Variants in FHOD3 observed in about 807,000 individuals in gnomAD.
FHOD3 encodes formin homology 2 domain containing 3, also known as FH1/FH2 domain-containing protein 3.
A neutral mutation model predicts 173.0 loss-of-function variants in FHOD3; 90 were observed. The observed-to-expected ratio is 0.52, with a 90% confidence interval of 0.44 to 0.62. The LOEUF (loss-of-function observed/expected upper bound fraction) is 0.62, where lower values mean the gene tolerates loss of function less well. FHOD3 is among the 20% of genes least tolerant of loss of function. FHOD3 has a pLI of 0.00. For missense variants in FHOD3, 1,945 were observed against 2,034.7 expected (o/e 0.96, Z 0.85); for synonymous variants, 828 against 823.0 (o/e 1.01, Z -0.10).
In FHOD3 at chr18:36,742,846, A is replaced by G. The variant is rs1017859569; in HGVS notation, c.3869A>G (p.Asn1290Ser). 6.8e-6 allele frequency: 11 copies of G among 1,612,598 alleles called. No homozygotes were observed. Among genetic ancestry groups the G allele is most frequent in the Non-Finnish European group, 9.3e-6 (11 of 1,179,546 alleles). ...CTCTTAGCCATTGGGAACTTTCTAA[A>G]TGGAACTAATGTAAGTCATCCCCAT... ...STLLAIGNFL[N>S]GTNAKAFELS... The change falls in exon 22 of 29, where the codon AAT (asparagine) becomes AGT (serine). Residue 1290 changes from asparagine (N) to serine (S), a missense_variant. This residue lies in a region of FHOD3 where 231 missense variants were observed against 321.9 expected (regional missense o/e 0.72). Coordinates refer to ENST00000590592, the MANE Select transcript of FHOD3 (RefSeq NM_001281740.3).
rs1281850425 is a variant in FHOD3, at chr18:36,355,571, T to C, written c.198T>C (p.Asn66=). 6.2e-7 allele frequency: 1 copy of C among 1,614,170 alleles called. No homozygotes were observed. The highest frequency in any genetic ancestry group is 1.7e-5 in the Admixed American group (1 of 60,016). Residue 66 remains asparagine (N), a synonymous_variant, in exon 2 of 29, where the codon AAT becomes AAC. Coordinates refer to ENST00000590592, the MANE Select transcript of FHOD3 (RefSeq NM_001281740.3). The part of the protein sequence containing the change: ...LDDCTLQLSH[N]GAYLDLEATL... ...ACTGTACTCTGCAGCTCTCTCACAA[T>C]GGCGCCTACCTGGATTTGGAGGCCA...
At chr18:36,692,372 AGCTGAAT>A (rs2039019508) in intron 16 of FHOD3, among the ~76,000 whole-genome samples, 1 of 152,232 alleles carries the variant, frequency 6.6e-6, no homozygotes, top group Non-Finnish European at 1.5e-5. Context: ...AACCTGTTAC[AGCTGAAT>A]GCATAAATTT....
At chr18:36,456,538 G>T (rs971534475) in intron 3 of FHOD3, among the ~76,000 whole-genome samples, 1 of 152,090 alleles carries the variant, frequency 6.6e-6, no homozygotes, top group Non-Finnish European at 1.5e-5. Flanking sequence ...GGAATAGGGG[G>T]ATGGGGCTGT....
chr18:36,351,341 G>T (rs964613588), intron 1 of FHOD3, among the ~76,000 whole-genome samples: 2 of 152,178 alleles, frequency 1.3e-5, no homozygotes, highest in Non-Finnish European at 2.9e-5. Flanking sequence ...AGGAGGTAAT[G>T]GCAGCCTCTA....
chr18:36,768,547 A>G (rs11662247), intron 27 of FHOD3, among the ~76,000 whole-genome samples: 20,319 of 152,202 alleles, frequency 0.13, 1,425 homozygotes, highest in Admixed American at 0.16. Flanking sequence ...GGATGACTGT[A>G]CTTGGGACCC....
At chr18:36,335,493 TAAAAAAA>T (rs56991651) in intron 1 of FHOD3, among the ~76,000 whole-genome samples, 1 of 128,984 alleles carries the variant, frequency 7.8e-6, no homozygotes, top group African/African-American at 2.8e-5. Flanking sequence ...AGACTCCGTC[TAAAAAAA>T]AAAAAAAAAC....
At chr18:36,340,730 G>A (rs1162592392) in intron 1 of FHOD3, among the ~76,000 whole-genome samples, 1 of 151,570 alleles carries the variant, frequency 6.6e-6, no homozygotes, top group Non-Finnish European at 1.5e-5. Flanking sequence ...TCCGCCTTCC[G>A]GGTTCATGCC....
intron 28 of FHOD3, among the ~76,000 whole-genome samples, chr18:36,769,702 T>G (rs2043291582): frequency 2.6e-5 from 4 of 152,092 alleles, no homozygotes; most frequent in Admixed American, 2.0e-4. Context: ...TGAAAAGTCC[T>G]TAAGTGTCTG....
chr18:36,380,552 G>GTTTTCTTTTCTTTTC (rs751185984), intron 3 of FHOD3, among the ~76,000 whole-genome samples: 1 of 79,454 alleles, frequency 1.3e-5, no homozygotes, highest in African/African-American at 5.3e-5. Flanking sequence ...TCTTTCTTTT[G>GTTTTCTTTTCTTTTC]TTTTCTTTTC....
chr18:36,534,020 C>T (rs1251590024), intron 5 of FHOD3, among the ~76,000 whole-genome samples: 1 of 152,158 alleles, frequency 6.6e-6, no homozygotes, highest in East Asian at 1.9e-4. Context: ...AGCTCACCGC[C>T]CTTAGAGTGG....
rs189304322 is a variant in FHOD3 at position 36,325,197 on chromosome 18, G to A, written c.165+27197G>A. Among the ~76,000 whole-genome samples, 49 of 152,114 alleles carry A rather than the reference G, an allele frequency of 3.2e-4. No homozygotes were observed. In the East Asian group the frequency reaches 9.5e-3, roughly 29 times the overall value. On this transcript the variant is annotated intron_variant, in intron 1 of 28. Coordinates refer to ENST00000590592, the MANE Select transcript of FHOD3 (RefSeq NM_001281740.3). ...GGGGTTTTGACTGGCAGGGAGTGGTGGGGGTCTCTGGGTGCTAGTAGTGCA... is the reference window on the plus strand; with the variant it reads ...GGGGTTTTGACTGGCAGGGAGTGGTAGGGGTCTCTGGGTGCTAGTAGTGCA...
intron 3 of FHOD3, among the ~76,000 whole-genome samples, chr18:36,454,945 T>G (rs2052088371): frequency 1.3e-5 from 2 of 152,188 alleles, no homozygotes; most frequent in African/African-American, 4.8e-5. Flanking sequence ...CACTTAGATT[T>G]CACCTTTCTC....
chr18:36,392,467 A>G (rs1303814787), intron 3 of FHOD3, among the ~76,000 whole-genome samples: 2 of 152,152 alleles, frequency 1.3e-5, no homozygotes, highest in Non-Finnish European at 2.9e-5. Flanking sequence ...AAAGCTGAAC[A>G]GTGTCTGCTA....
At chr18:36,591,673 T>C (rs556638392) in intron 6 of FHOD3, among the ~76,000 whole-genome samples, 26 of 152,098 alleles carry the variant, frequency 1.7e-4, no homozygotes, top group African/African-American at 6.0e-4. Context: ...ATCCTAGCAC[T>C]TTGGGAGGCC....
chr18:36,459,707 A>G (rs963253170), intron 3 of FHOD3, among the ~76,000 whole-genome samples: 1 of 152,190 alleles, frequency 6.6e-6, no homozygotes, highest in African/African-American at 2.4e-5. Context: ...AAATAGTTTT[A>G]GATTTACAGA....
intron 3 of FHOD3, 80 bp downstream of exon 3, chr18:36,372,824 T>G (rs1029677615): frequency 1.8e-5 from 23 of 1,248,110 alleles, no homozygotes; most frequent in Non-Finnish European, 2.6e-5. Flanking sequence ...TTCACTGTTA[T>G]GCTGTCTGTT....
chr18:36,309,866 C>T (rs2092208395), intron 1 of FHOD3, among the ~76,000 whole-genome samples: 1 of 152,228 alleles, frequency 6.6e-6, no homozygotes. Flanking sequence ...GTTTACTAGG[C>T]ACTGGGACAT....
intron 3 of FHOD3, among the ~76,000 whole-genome samples, chr18:36,473,242 T>C (rs1028544630): frequency 1.3e-5 from 2 of 152,136 alleles, no homozygotes; most frequent in African/African-American, 4.8e-5. Context: ...GGTGAAACCC[T>C]GTCTCTACTA....
At chr18:36,435,104 T>TG (rs1267621228) in intron 3 of FHOD3, among the ~76,000 whole-genome samples, 3 of 151,460 alleles carry the variant, frequency 2.0e-5, no homozygotes, top group African/African-American at 7.3e-5. Flanking sequence ...CACTGGACTT[T>TG]TTTTTTTTTT....
Sources: gnomAD v4.1 joint callset for allele counts (sites outside exome capture counted in the v4.1 genomes callset) on GRCh38, gnomAD v4.1.1 for gene constraint, gnomAD v4.1.1 regional missense constraint, MANE v1.5 for transcripts, NCBI Gene and HGNC (gene_info 2026-07-23, HGNC 2026-07-21) for gene names.